The following CACNG2 variants were observed in gnomAD, a reference collection of about 807,000 sequenced individuals.
CACNG2 encodes the protein voltage-dependent calcium channel gamma-2 subunit.
CACNG2 carries 3 observed loss-of-function variants against 25.9 expected under a neutral mutation model. That is an observed-to-expected ratio of 0.12 (90% CI 0.05 to 0.30). The LOEUF is 0.30. CACNG2 is among the 10% of genes least tolerant of loss of function. The probability of loss-of-function intolerance (pLI) is 1.00; values close to 1 mark genes in which losing one functional copy is unlikely to be tolerated. For missense variants in CACNG2, 341 were observed against 432.5 expected (o/e 0.79, Z 1.88); for synonymous variants, 167 against 173.3 (o/e 0.96, Z 0.29).
intron 1 of CACNG2, among the ~76,000 whole-genome samples, chr22:36,594,703 C>CTGTGTGTGTGTGCA (rs887222242): frequency 6.9e-6 from 1 of 144,836 alleles, no homozygotes; most frequent in African/African-American, 2.6e-5. Context: ...GTGTGTGTGT[C>CTGTGTGTGTGTGCA]TGTGTGTGTG....
chr22:36,673,437 G>T (rs1342119794), intron 1 of CACNG2, among the ~76,000 whole-genome samples: 1 of 152,120 alleles, frequency 6.6e-6, no homozygotes, highest in East Asian at 1.9e-4. Flanking sequence ...CTTTGTGGAT[G>T]GTACCTTGCC....
chr22:36,677,575 C>T (rs1446015056), intron 1 of CACNG2, among the ~76,000 whole-genome samples: 2 of 152,250 alleles, frequency 1.3e-5, no homozygotes, highest in African/African-American at 4.8e-5. Context: ...AGATTTAACC[C>T]ATTGTGGCCT....
Position 36,627,242 on chromosome 22 carries a change from G to GTGGGAGGTGAAAGTGGGAAGTGGA in CACNG2, c.212-39718_212-39695dup, listed in dbSNP as rs1936197486. Among the ~76,000 whole-genome samples, 3 of 151,824 alleles carry GTGGGAGGTGAAAGTGGGAAGTGGA rather than the reference G, an allele frequency of 2.0e-5. No individual in the cohort carries two copies. The South Asian group carries it at 6.3e-4, about 32-fold the overall frequency. Reference sequence around the variant, plus strand: ...GGGTGGAGCCTATGTGCCTGGAATAGTGGGAGGTGAAAGTGGGAAGTGGAT... The same window carrying GTGGGAGGTGAAAGTGGGAAGTGGA: ...GGGTGGAGCCTATGTGCCTGGAATAGTGGGAGGTGAAAGTGGGAAGTGGATGGGAGGTGAAAGTGGGAAGTGGAT... On this transcript the variant is annotated intron_variant, in intron 1 of 3. Transcript: ENST00000300105.
At chr22:36,609,511 C>G (rs987352023) in intron 1 of CACNG2, among the ~76,000 whole-genome samples, 1 of 143,390 alleles carries the variant, frequency 7.0e-6, no homozygotes, top group African/African-American at 2.6e-5. Flanking sequence ...GGAATCAACC[C>G]CCTAGAGTGT....
At chr22:36,578,492 TCA>T (rs1259439501) in intron 2 of CACNG2, among the ~76,000 whole-genome samples, 1 of 152,056 alleles carries the variant, frequency 6.6e-6, no homozygotes, top group African/African-American at 2.4e-5. Context: ...CACGGGAGGC[TCA>T]GAGAAGTTGT....
intron 1 of CACNG2, among the ~76,000 whole-genome samples, chr22:36,680,667 TCTTCATGATCACTGCCAC>T (rs1937104932): frequency 2.6e-3 from 2 of 784 alleles, no homozygotes; most frequent in Non-Finnish European, 2.5e-3. Flanking sequence ...ATCACCACCA[TCTTCATGATCACTGCCAC>T]CACCACCACC....
intron 1 of CACNG2, among the ~76,000 whole-genome samples, chr22:36,688,899 T>C (rs1937235693): frequency 6.6e-6 from 1 of 152,202 alleles, no homozygotes; most frequent in Non-Finnish European, 1.5e-5. Context: ...GTGTACACAT[T>C]AAAGTTTTGA....
intron 1 of CACNG2, among the ~76,000 whole-genome samples, chr22:36,614,341 T>G (rs937269683): frequency 2.0e-5 from 3 of 152,138 alleles, no homozygotes; most frequent in African/African-American, 4.8e-5. Flanking sequence ...TAGTGCTCAG[T>G]TTACACATCA....
intron 1 of CACNG2, among the ~76,000 whole-genome samples, chr22:36,625,041 A>AAAAAAAAAAAAAAAAAC (rs1267134524): frequency 6.6e-6 from 1 of 150,508 alleles, no homozygotes; most frequent in Non-Finnish European, 1.5e-5. Flanking sequence ...AAAAAAAAAA[A>AAAAAAAAAAAAAAAAAC]AGAACCACAG....
intron 1 of CACNG2, among the ~76,000 whole-genome samples, chr22:36,675,620 A>G (rs1315644429): frequency 6.6e-6 from 1 of 152,162 alleles, no homozygotes; most frequent in Admixed American, 6.5e-5. Context: ...TAAATTTCCA[A>G]TGTCACCCCA....
intron 3 of CACNG2, among the ~76,000 whole-genome samples, chr22:36,566,099 G>C (rs925955461): frequency 3.3e-5 from 5 of 152,248 alleles, no homozygotes; most frequent in Non-Finnish European, 7.3e-5. Flanking sequence ...GAGGAAGCGG[G>C]CATTTGGGCC....
intron 1 of CACNG2, among the ~76,000 whole-genome samples, chr22:36,589,737 G>A (rs948502287): frequency 1.3e-5 from 2 of 152,228 alleles, no homozygotes; most frequent in South Asian, 2.1e-4. Context: ...CCCCCATCGT[G>A]TCATGGCCCC....
At chr22:36,626,546 T>C (rs1389378507) in intron 1 of CACNG2, among the ~76,000 whole-genome samples, 2 of 152,222 alleles carry the variant, frequency 1.3e-5, no homozygotes, top group Non-Finnish European at 2.9e-5. Context: ...CAGGGTTTCA[T>C]TGGTCTGTTC....
At chr22:36,579,494 C>T (rs1017285557) in intron 2 of CACNG2, among the ~76,000 whole-genome samples, 3 of 151,538 alleles carry the variant, frequency 2.0e-5, no homozygotes, top group East Asian at 1.9e-4. Context: ...TCTCCACTAC[C>T]GGGCCCGAGC....
Position 36,562,648 on chromosome 22 carries a change from GA to G in CACNG2, c.*1702del, listed in dbSNP as rs1726878038. ...GAGCCACGCCCCTGGCCGTGTATGG[GA>G]TGGAAGGGTTGAGACTGAGTGTGTC... is the stretch of plus-strand genomic sequence containing the variant. On this transcript the variant is annotated 3_prime_UTR_variant, in exon 4 of 4. Transcript: ENST00000300105. 6.6e-6 allele frequency: 1 copy of G among 152,408 alleles called. No individual in the cohort carries two copies. Among genetic ancestry groups the G allele is most frequent in the Non-Finnish European group, 1.5e-5 (1 of 68,154 alleles). The allele number at this position is 152,408 out of a possible 1,614,324, so 9.4% of individuals were successfully genotyped here.
At chr22:36,701,545 C>T (rs1937412099) in intron 1 of CACNG2, among the ~76,000 whole-genome samples, 1 of 151,134 alleles carries the variant, frequency 6.6e-6, no homozygotes. Flanking sequence ...CCTCCCCTCC[C>T]TCCCTCCCTG....
chr22:36,581,178 A>C (rs1005674873), intron 2 of CACNG2, among the ~76,000 whole-genome samples: 4 of 152,220 alleles, frequency 2.6e-5, no homozygotes, highest in African/African-American at 9.7e-5. Context: ...CAGTCCAGTC[A>C]CATTCATTAC....
chr22:36,581,101 G>A (rs1935409766), intron 2 of CACNG2, among the ~76,000 whole-genome samples: 1 of 152,236 alleles, frequency 6.6e-6, no homozygotes, highest in East Asian at 1.9e-4. Flanking sequence ...TGGTTAATGA[G>A]GGAAGAGGAT....
chr22:36,626,198 G>C (rs982729780), intron 1 of CACNG2, among the ~76,000 whole-genome samples: 2 of 152,216 alleles, frequency 1.3e-5, no homozygotes, highest in Admixed American at 1.3e-4. Context: ...GGGATTACAG[G>C]CGTGAGCCAC....
Sources: allele counts gnomAD v4.1 joint callset (sites outside exome capture counted in the v4.1 genomes callset), GRCh38; gene constraint gnomAD v4.1.1; transcripts MANE v1.5; gene names NCBI Gene and HGNC (gene_info 2026-07-23, HGNC 2026-07-21).